The following ZNF804B variants were observed in gnomAD, a reference collection of about 807,000 sequenced individuals.
ZNF804B encodes zinc finger 804B.
In ZNF804B, 80 loss-of-function variants were observed where a neutral mutation model predicts 101.4. That is an observed-to-expected ratio of 0.79 (90% CI 0.66 to 0.95). ZNF804B has a LOEUF of 0.95. Ranked by LOEUF, ZNF804B falls within the 40% of genes least tolerant of loss-of-function variation. The pLI is 0.00. For missense variants in ZNF804B, 1,673 were observed against 1,561.9 expected (o/e 1.07, Z -1.20); for synonymous variants, 622 against 558.8 (o/e 1.11, Z -1.59).
At chr7:88,852,546 G>T (rs915958797) in intron 1 of ZNF804B, among the ~76,000 whole-genome samples, 1 of 151,910 alleles carries the variant, frequency 6.6e-6, no homozygotes, top group African/African-American at 2.4e-5. Context: ...TGAGGAAAAG[G>T]ACCCATTGGC....
At chr7:89,105,099 C>T (rs1790116201) in intron 1 of ZNF804B, among the ~76,000 whole-genome samples, 1 of 152,062 alleles carries the variant, frequency 6.6e-6, no homozygotes, top group Non-Finnish European at 1.5e-5. Flanking sequence ...CCTTCTCCTA[C>T]ATTTACTACC....
chr7:88,977,617 G>T (rs1406994336), intron 1 of ZNF804B, among the ~76,000 whole-genome samples: 6 of 151,234 alleles, frequency 4.0e-5, no homozygotes, highest in African/African-American at 9.7e-5. Context: ...GATTTTCTTC[G>T]TTTGGGTCTC....
chr7:89,125,982 C>T (rs1490020109), intron 1 of ZNF804B, among the ~76,000 whole-genome samples: 5 of 151,978 alleles, frequency 3.3e-5, no homozygotes, highest in African/African-American at 9.7e-5. Flanking sequence ...CAAGGTTCCC[C>T]CTGATGATCA....
chr7:89,215,860 G>C (rs1370302876), intron 1 of ZNF804B, among the ~76,000 whole-genome samples: 1 of 145,408 alleles, frequency 6.9e-6, no homozygotes, highest in African/African-American at 2.6e-5. Context: ...CTCCAGCCTG[G>C]GCAACAGAGA....
At chr7:88,913,192 T>C (rs1158994764) in intron 1 of ZNF804B, among the ~76,000 whole-genome samples, 5 of 152,202 alleles carry the variant, frequency 3.3e-5, no homozygotes, top group African/African-American at 7.2e-5. Context: ...CTTTGCTGTA[T>C]GATTCCTACC....
intron 1 of ZNF804B, among the ~76,000 whole-genome samples, chr7:88,916,067 T>C (rs1473681679): frequency 6.6e-6 from 1 of 152,032 alleles, no homozygotes; most frequent in African/African-American, 2.4e-5. Context: ...AAAAAAATAT[T>C]GATCACTTAA....
At chr7:89,196,931 C>T (rs1446556139) in intron 1 of ZNF804B, among the ~76,000 whole-genome samples, 1 of 152,000 alleles carries the variant, frequency 6.6e-6, no homozygotes, top group Non-Finnish European at 1.5e-5. Flanking sequence ...GCATCTCACG[C>T]CAATCAGAAT....
intron 1 of ZNF804B, among the ~76,000 whole-genome samples, chr7:89,052,793 T>C (rs116854512): frequency 1.6e-3 from 249 of 152,286 alleles, no homozygotes; most frequent in Non-Finnish European, 3.1e-3. Context: ...AATAATGATA[T>C]TCAGATTTTC....
At chr7:89,288,651 C>A (rs1279543624) in intron 2 of ZNF804B, among the ~76,000 whole-genome samples, 3 of 152,038 alleles carry the variant, frequency 2.0e-5, no homozygotes, top group Admixed American at 6.6e-5. Flanking sequence ...TCAGATGAAT[C>A]CTTCAAAAAT....
chr7:88,823,070 C>T (rs879887576), intron 1 of ZNF804B, among the ~76,000 whole-genome samples: 14 of 151,860 alleles, frequency 9.2e-5, no homozygotes, highest in Middle Eastern at 3.2e-3. Context: ...ATTAGCCTGG[C>T]GTAGTGGCAG....
intron 1 of ZNF804B, among the ~76,000 whole-genome samples, chr7:89,003,775 A>AT (rs1239487449): frequency 6.6e-6 from 1 of 151,858 alleles, no homozygotes; most frequent in African/African-American, 2.4e-5. Context: ...ATTACATTCA[A>AT]TTTTTCGACT....
intron 1 of ZNF804B, among the ~76,000 whole-genome samples, chr7:89,156,082 CTCTTTCCTTTCTT>C (rs1562899822): frequency 8.7e-5 from 7 of 80,882 alleles, no homozygotes; most frequent in African/African-American, 3.2e-4. Flanking sequence ...CTCTCTTTCT[CTCTTTCCTTTCTT>C]TCTTTCTCTC....
At chr7:89,270,671 C>T (rs1789878837) in intron 2 of ZNF804B, among the ~76,000 whole-genome samples, 1 of 152,156 alleles carries the variant, frequency 6.6e-6, no homozygotes, top group East Asian at 1.9e-4. Flanking sequence ...TGGCCATTTT[C>T]ATGATATTGA....
At chr7:89,140,416 GA>G (rs1790698244) in intron 1 of ZNF804B, among the ~76,000 whole-genome samples, 1 of 152,008 alleles carries the variant, frequency 6.6e-6, no homozygotes, top group African/African-American at 2.4e-5. Flanking sequence ...CTCTAACTAT[GA>G]AAGTCCTAGT....
chr7:89,087,425 TTGAG>T (rs1789821546), intron 1 of ZNF804B, among the ~76,000 whole-genome samples: 1 of 151,954 alleles, frequency 6.6e-6, no homozygotes, highest in South Asian at 2.1e-4. Flanking sequence ...CTCAAATCAT[TTGAG>T]TAATTATGTA....
At chr7:88,989,257 A>G (rs1793809521) in intron 1 of ZNF804B, among the ~76,000 whole-genome samples, 1 of 152,036 alleles carries the variant, frequency 6.6e-6, no homozygotes, top group Admixed American at 6.6e-5. Flanking sequence ...TGGCTTCCCA[A>G]AGTGCTGGGA....
chr7:89,319,793 C>G (rs1790792062), intron 2 of ZNF804B, among the ~76,000 whole-genome samples: 1 of 152,066 alleles, frequency 6.6e-6, no homozygotes, highest in South Asian at 2.1e-4. Context: ...AGGCTGTGGA[C>G]ACTGATCTTA....
At chr7:89,263,890 C>T (rs1789745712) in intron 2 of ZNF804B, among the ~76,000 whole-genome samples, 1 of 152,076 alleles carries the variant, frequency 6.6e-6, no homozygotes, top group Non-Finnish European at 1.5e-5. Flanking sequence ...GGCTGCCGGG[C>T]TATGAAATAA....
intron 2 of ZNF804B, among the ~76,000 whole-genome samples, chr7:89,279,880 A>C (rs1259481046): frequency 6.6e-6 from 1 of 152,076 alleles, no homozygotes; most frequent in Non-Finnish European, 1.5e-5. Flanking sequence ...ATACCCAGGA[A>C]TTGAACTCAG....
Sources: gnomAD v4.1 joint callset for allele counts (sites outside exome capture counted in the v4.1 genomes callset) on GRCh38, gnomAD v4.1.1 for gene constraint, MANE v1.5 for transcripts, NCBI Gene and HGNC (gene_info 2026-07-23, HGNC 2026-07-21) for gene names.